The following TENM2 variants were observed in gnomAD, a reference collection of about 807,000 sequenced individuals.
The protein encoded by TENM2 is teneurin-2.
TENM2 carries 52 observed loss-of-function variants against 245.2 expected under a neutral mutation model. The ratio of observed to expected loss-of-function variants is 0.21; its 90% CI spans 0.17 to 0.27. The LOEUF is 0.27. Among genes scored for constraint, TENM2 ranks in the 10% least tolerant of loss-of-function variants. The pLI, the probability that TENM2 is intolerant of heterozygous loss-of-function variation, is 1.00. For missense variants in TENM2, 3,046 were observed against 3,666.8 expected (o/e 0.83, Z 4.37); for synonymous variants, 1,363 against 1,438.9 (o/e 0.95, Z 1.19).
intron 3 of TENM2, among the ~76,000 whole-genome samples, chr5:167,899,332 A>C (rs541073273): frequency 6.6e-6 from 1 of 152,216 alleles, no homozygotes; most frequent in Non-Finnish European, 1.5e-5. Flanking sequence ...ATTGCCAGCA[A>C]TACCAAACGC....
chr5:168,219,429 T>C (rs1460446476), intron 23 of TENM2, among the ~76,000 whole-genome samples: 1 of 152,220 alleles, frequency 6.6e-6, no homozygotes, highest in Non-Finnish European at 1.5e-5. Flanking sequence ...AGATAAACTC[T>C]GAATTTCCTC....
chr5:167,350,445 GTA>G (rs1554137744), intron 1 of TENM2, among the ~76,000 whole-genome samples: 2 of 137,100 alleles, frequency 1.5e-5, no homozygotes, highest in African/African-American at 2.7e-5. Flanking sequence ...GTGTGTGTGT[GTA>G]TGTATGTCCC....
chr5:167,180,174 A>G, the TENM2 span, among the ~76,000 whole-genome samples: 1 of 139,852 alleles, frequency 7.2e-6, no homozygotes, highest in Non-Finnish European at 1.5e-5. Context: ...ATGGCATGAT[A>G]TCTAGGCTCA....
intron 25 of TENM2, among the ~76,000 whole-genome samples, chr5:168,233,348 T>A (rs921032173): frequency 6.6e-6 from 1 of 152,028 alleles, no homozygotes; most frequent in Non-Finnish European, 1.5e-5. Context: ...AGCAGTTACA[T>A]CATGGCATCT....
chr5:168,025,280 A>G (rs1171166492), intron 5 of TENM2, among the ~76,000 whole-genome samples: 1 of 152,248 alleles, frequency 6.6e-6, no homozygotes, highest in Non-Finnish European at 1.5e-5. Context: ...CCTGCATTTC[A>G]TTTGCATAGC....
At chr5:168,123,475 C>T (rs977315907) in intron 10 of TENM2, among the ~76,000 whole-genome samples, 1 of 152,182 alleles carries the variant, frequency 6.6e-6, no homozygotes, top group Non-Finnish European at 1.5e-5. Context: ...ATATTTCAAT[C>T]TTGGCATTGT....
intron 2 of TENM2, among the ~76,000 whole-genome samples, chr5:167,598,341 G>C (rs543386935): frequency 6.6e-6 from 1 of 152,320 alleles, no homozygotes; most frequent in African/African-American, 2.4e-5. Context: ...AGTCTCCTGA[G>C]ATGTGTAGCA....
rs558537265 is a variant in TENM2, at chr5:167,667,087, C to CA, written c.503-208892dup. Among the ~76,000 whole-genome samples, 52 of 152,146 alleles carry CA rather than the reference C, an allele frequency of 3.4e-4. 2 individuals are homozygous for CA. In the South Asian group the frequency reaches 0.011, roughly 31 times the overall value. ...AAAATACACAGGTCTTTTGTCAATGCAAAAAAATTCTTTGGTGGAGAAGGA... is the reference window on the plus strand; with the variant it reads ...AAAATACACAGGTCTTTTGTCAATGCAAAAAAAATTCTTTGGTGGAGAAGGA... On this transcript the variant is annotated intron_variant, in intron 2 of 28. Transcript: ENST00000518659.
intron 2 of TENM2, among the ~76,000 whole-genome samples, chr5:167,634,150 A>G (rs188000648): frequency 5.3e-5 from 8 of 152,340 alleles, no homozygotes; most frequent in African/African-American, 1.2e-4. Context: ...TCATGATTCA[A>G]TGAACTTAAA....
At chr5:167,022,873 A>G in the TENM2 span, among the ~76,000 whole-genome samples, 1 of 152,198 alleles carries the variant, frequency 6.6e-6, no homozygotes, top group Admixed American at 6.5e-5. Context: ...AGGAATTTGT[A>G]ATATTAATGT....
intron 1 of TENM2, among the ~76,000 whole-genome samples, chr5:167,310,787 T>G (rs773879795): frequency 6.6e-6 from 1 of 152,186 alleles, no homozygotes; most frequent in African/African-American, 2.4e-5. Flanking sequence ...GTGTTGTTAA[T>G]TCCCCTGGAA....
At chr5:168,148,880 TAGATA>T (rs1756364782) in intron 12 of TENM2, among the ~76,000 whole-genome samples, 2 of 127,664 alleles carry the variant, frequency 1.6e-5, no homozygotes, top group Admixed American at 8.1e-5. Flanking sequence ...ATATGATAGA[TAGATA>T]GATAGATAGA....
At chr5:167,286,945 T>G (rs1441441914) in intron 1 of TENM2, among the ~76,000 whole-genome samples, 1 of 152,246 alleles carries the variant, frequency 6.6e-6, no homozygotes, top group Non-Finnish European at 1.5e-5. Flanking sequence ...ATCAAACTCA[T>G]AGCTTTGCAA....
chr5:167,165,362 G>A, the TENM2 span: 33 of 152,260 alleles, frequency 2.2e-4, no homozygotes, highest in African/African-American at 7.7e-4. Context: ...TATTCAGTAG[G>A]TGGCTAGAAA....
At chr5:167,718,118 C>A (rs1359242174) in intron 2 of TENM2, among the ~76,000 whole-genome samples, 2 of 152,162 alleles carry the variant, frequency 1.3e-5, no homozygotes, top group African/African-American at 4.8e-5. Context: ...GACTTACTGG[C>A]TTCCTGCAAC....
the TENM2 span, among the ~76,000 whole-genome samples, chr5:167,136,325 G>A: frequency 0.016 from 2,447 of 152,262 alleles, 62 homozygotes; most frequent in African/African-American, 0.056. Flanking sequence ...AAGACAGTGA[G>A]TCCCACCAGT....
At chr5:168,036,048 G>C (rs1254947344) in intron 5 of TENM2, among the ~76,000 whole-genome samples, 1 of 152,160 alleles carries the variant, frequency 6.6e-6, no homozygotes, top group African/African-American at 2.4e-5. Context: ...GCAGGTCAGG[G>C]AGAGCTCTCC....
chr5:167,242,834 T>C, the TENM2 span, among the ~76,000 whole-genome samples: 1 of 152,162 alleles, frequency 6.6e-6, no homozygotes, highest in Non-Finnish European at 1.5e-5. Flanking sequence ...TTCAACTGCA[T>C]GGGGTCAGGG....
intron 1 of TENM2, among the ~76,000 whole-genome samples, chr5:167,344,098 A>G (rs1343478229): frequency 6.6e-6 from 1 of 150,540 alleles, no homozygotes; most frequent in African/African-American, 2.4e-5. Flanking sequence ...TTAGAAGTTT[A>G]ACTGTTCAAG....
Sources: gnomAD v4.1 joint callset for allele counts (sites outside exome capture counted in the v4.1 genomes callset) on GRCh38, gnomAD v4.1.1 for gene constraint, MANE v1.5 for transcripts, NCBI Gene and HGNC (gene_info 2026-07-23, HGNC 2026-07-21) for gene names.